Variants in STARD8 observed in about 807,000 individuals in gnomAD.
The protein encoded by STARD8 is stAR-related lipid transfer protein 8.
In STARD8, 25 loss-of-function variants were observed where a neutral mutation model predicts 69.4. The ratio of observed to expected loss-of-function variants is 0.36; its 90% CI spans 0.26 to 0.50. The LOEUF (loss-of-function observed/expected upper bound fraction) is 0.50. Among genes scored for constraint, STARD8 ranks in the 20% least tolerant of loss-of-function variants. The pLI is 0.96. For synonymous variants in STARD8, 389 were observed against 374.6 expected, an observed-to-expected ratio of 1.04 and a Z score of -0.45; for missense variants, 921 against 932.5, an observed-to-expected ratio of 0.99 and a Z score of 0.16.
At position 68,722,602 on chromosome X, in the gene STARD8, A is replaced by G. The variant is rs760058555; in HGVS notation, c.2755A>G (p.Met919Val). Residue 919 changes from methionine to valine, a missense_variant, in exon 12 of 15, where the codon ATG becomes GTG. By Grantham distance (21) the Met-to-Val change is conservative. Transcript: ENST00000374599. ...TGCTGCTGAGCGCTTCAAGGGCTGG[A>G]TGAGCGTGCCAGGGCCCCAGCACAC... is the stretch of plus-strand genomic sequence containing the variant. ...RDAAERFKGW[M>V]SVPGPQHTEL... 1 of 1,212,046 alleles carries G rather than the reference A, an allele frequency of 8.3e-7. No individual in the cohort carries two copies. Among genetic ancestry groups the G allele is most frequent in the East Asian group, 3.0e-5 (1 of 33,832 alleles).
At chrX:68,707,959 C>T (rs907380901) in intron 2 of STARD8, among the ~76,000 whole-genome samples, 4 of 111,801 alleles carry the variant, frequency 3.6e-5, no homozygotes, top group Non-Finnish European at 7.5e-5. Flanking sequence ...AGATTAGATG[C>T]CTGTTGCCTT....
intron 1 of STARD8, among the ~76,000 whole-genome samples, chrX:68,652,880 C>CCCACACACACACACCA (rs2079561577): frequency 1.8e-5 from 1 of 55,125 alleles, no homozygotes; most frequent in Non-Finnish European, 3.3e-5. Flanking sequence ...CACCCACACC[C>CCCACACACACACACCA]CACACACACA....
chrX:68,665,796 C>G (rs147499451), intron 2 of STARD8, among the ~76,000 whole-genome samples: 46 of 112,193 alleles, frequency 4.1e-4, no homozygotes, highest in Non-Finnish European at 7.1e-4. Flanking sequence ...CCCTCCAGAG[C>G]TTTCAGCAAG....
chrX:68,666,669 A>G (rs968358955), intron 2 of STARD8, among the ~76,000 whole-genome samples: 1 of 112,130 alleles, frequency 8.9e-6, no homozygotes, highest in Non-Finnish European at 1.9e-5. Flanking sequence ...TTGCATTGCC[A>G]TGACAGCAGA....
rs766347013 is a variant in STARD8 at position 68,679,945 on chromosome X, C to T, written c.79+14413C>T. Among the ~76,000 whole-genome samples, 21 of 111,584 alleles carry T rather than the reference C, an allele frequency of 1.9e-4. No individual in the cohort carries two copies. In the East Asian group the frequency reaches 3.1e-3, roughly 16 times the overall value. ...GGGGAGGTAAGAGGGGTAGACTTGA[C>T]GCTCCGCCCTTTTCACAGCTTCCAT... On this transcript the variant is annotated intron_variant, in intron 2 of 14. Coordinates refer to ENST00000374599, the MANE Select transcript of STARD8 (RefSeq NM_001142503.3).
chrX:68,666,285 G>A (rs1370620124), intron 2 of STARD8, among the ~76,000 whole-genome samples: 6 of 112,343 alleles, frequency 5.3e-5, no homozygotes, highest in African/African-American at 1.3e-4. Context: ...TAAGGTCATC[G>A]AGGCCATCGT....
chrX:68,721,458 C>A, intron 9 of STARD8, 78 bp from the exon 10 acceptor site: 1 of 1,090,483 alleles, frequency 9.2e-7, no homozygotes, highest in Non-Finnish European at 1.2e-6. Context: ...GTGCCTTTTG[C>A]CCCCTTGGAA....
At chrX:68,676,290 A>G (rs1408144672) in intron 2 of STARD8, among the ~76,000 whole-genome samples, 2 of 111,985 alleles carry the variant, frequency 1.8e-5, no homozygotes, top group East Asian at 5.6e-4. Context: ...ATCTCAGAGC[A>G]AGCCAAGGTT....
chrX:68,676,489 T>A (rs868115665), intron 2 of STARD8, among the ~76,000 whole-genome samples: 1 of 112,417 alleles, frequency 8.9e-6, no homozygotes, highest in African/African-American at 3.2e-5. Flanking sequence ...CAACAGCTGC[T>A]GGGTTGGAAT....
chrX:68,714,819 C>T (rs1331494253), intron 3 of STARD8, among the ~76,000 whole-genome samples: 1 of 111,841 alleles, frequency 8.9e-6, no homozygotes, highest in Non-Finnish European at 1.9e-5. Context: ...TTTCTTTCCC[C>T]TCTCCCCTCC....
At chrX:68,671,666 A>T (rs148378709) in intron 2 of STARD8, among the ~76,000 whole-genome samples, 388 of 112,174 alleles carry the variant, frequency 3.5e-3, no homozygotes, top group African/African-American at 0.012. Context: ...AGATGACAAA[A>T]CCTCTTGAGA....
Position 68,724,525 on chromosome X carries a change from C to T in STARD8, c.*103C>T. 1 of 663,684 alleles carries T rather than the reference C, an allele frequency of 1.5e-6. No homozygotes were observed. The highest frequency in any genetic ancestry group is 2.2e-5 in the African/African-American group (1 of 45,949). 54.7% of individuals were successfully genotyped at this position (663,684 alleles called of 1,213,427 possible). On this transcript the variant is annotated 3_prime_UTR_variant, in exon 15 of 15. Coordinates refer to ENST00000374599, the MANE Select transcript of STARD8 (RefSeq NM_001142503.3). ...GCCCCCTGGGTGCCGCTGTCAGGAG[C>T]AGAGCCAGGCCCAGGTGGCTCCAGC...
intron 2 of STARD8, among the ~76,000 whole-genome samples, chrX:68,707,583 GC>G (rs953121880): frequency 9.0e-6 from 1 of 111,687 alleles, no homozygotes; most frequent in Non-Finnish European, 1.9e-5. Context: ...CATGGGTGGG[GC>G]CCATTAGTAA....
intron 2 of STARD8, among the ~76,000 whole-genome samples, chrX:68,694,159 C>A (rs1316661021): frequency 8.8e-6 from 1 of 113,047 alleles, no homozygotes; most frequent in African/African-American, 3.2e-5. Context: ...TTTGGAGGGG[C>A]GTTGCAGCTG....
chrX:68,677,807 G>A (rs2079775142), intron 2 of STARD8, among the ~76,000 whole-genome samples: 1 of 110,117 alleles, frequency 9.1e-6, no homozygotes, highest in African/African-American at 3.3e-5. Context: ...CTGGCTCCAA[G>A]TAATGATTTC....
intron 2 of STARD8, among the ~76,000 whole-genome samples, chrX:68,669,613 C>A (rs764384772): frequency 2.7e-5 from 3 of 111,667 alleles, no homozygotes; most frequent in African/African-American, 9.8e-5. Context: ...CAGGCTCCTG[C>A]TGAAGTGGCT....
chrX:68,722,129 C>T lies in STARD8; in HGVS notation c.2542C>T (p.His848Tyr), dbSNP rs1052829327. The T allele has an allele frequency of 1.7e-6, 2 of 1,207,144 alleles. No homozygotes were observed. Among genetic ancestry groups the T allele is most frequent in the African/African-American group, 1.7e-5 (1 of 57,667 alleles). Reference sequence around the variant, plus strand: ...CATGGCAGCCACCCAGGGCCTGTCGCACATGATCAGTGACTGCAAGAAACT... The same window carrying T: ...CATGGCAGCCACCCAGGGCCTGTCGTACATGATCAGTGACTGCAAGAAACT... ...DNMAATQGLS[H>Y]MISDCKKLFQ... The change falls in exon 11 of 15, where the codon CAC becomes TAC. Residue 848 changes from histidine to tyrosine, a missense_variant. Transcript: ENST00000374599.
intron 2 of STARD8, among the ~76,000 whole-genome samples, chrX:68,683,433 T>G (rs2079812308): frequency 8.9e-6 from 1 of 111,953 alleles, no homozygotes; most frequent in African/African-American, 3.3e-5. Context: ...CTGGCTCACA[T>G]GACAAACACT....
chrX:68,710,038 G>C (rs1193359384), intron 2 of STARD8, among the ~76,000 whole-genome samples: 1 of 111,463 alleles, frequency 9.0e-6, no homozygotes, highest in Non-Finnish European at 1.9e-5. Flanking sequence ...AGCCTGGGGG[G>C]CTGGGGTTGG....
Sources: gnomAD v4.1 joint callset for allele counts (sites outside exome capture counted in the v4.1 genomes callset) on GRCh38, gnomAD v4.1.1 for gene constraint, MANE v1.5 for transcripts, NCBI Gene and HGNC (gene_info 2026-07-23, HGNC 2026-07-21) for gene names.